Variants in MTMR7 observed in about 807,000 individuals in gnomAD.
MTMR7 encodes the protein phosphatidylinositol-3-phosphate phosphatase MTMR7.
Under a neutral mutation model 81.2 loss-of-function variants are expected in MTMR7, and 76 were observed. The observed-to-expected ratio is 0.94, with a 90% CI of 0.78 to 1.13. MTMR7 has a LOEUF of 1.13. Among genes scored for constraint, MTMR7 ranks in the 50% most tolerant of loss-of-function variants. The probability of loss-of-function intolerance (pLI) is 0.00; values close to 1 mark genes in which losing one functional copy is unlikely to be tolerated. For synonymous variants in MTMR7, 372 were observed against 289.8 expected (o/e 1.28, Z -2.88); for missense variants, 1,044 against 820.0 (o/e 1.27, Z -3.34).
At chr8:17,355,774 C>G (rs2150553104) in intron 4 of MTMR7, among the ~76,000 whole-genome samples, 1 of 151,940 alleles carries the variant, frequency 6.6e-6, no homozygotes, top group South Asian at 2.1e-4. Flanking sequence ...GAAAAAAGAG[C>G]AAAAATGTGA....
chr8:17,397,842 A>G (rs1349989525), intron 1 of MTMR7, among the ~76,000 whole-genome samples: 1 of 152,110 alleles, frequency 6.6e-6, no homozygotes, highest in African/African-American at 2.4e-5. Context: ...TACTTGTGTC[A>G]CCCCACTCCC....
Position 17,361,147 on chromosome 8 carries a change from C to A in MTMR7, c.438G>T (p.Trp146Cys). 1.2e-6 allele frequency: 2 copies of A among 1,614,160 alleles called. No homozygotes were observed. The highest frequency in any genetic ancestry group is 1.7e-6 in the Non-Finnish European group (2 of 1,180,012). ...YTRMGLPNHY[W>C]QLSDVNRDYR... ...AGTCTCTATTCACATCGCTGAGCTG[C>A]CAGTAATGATTAGGGAGGCCCATCC... Residue 146 changes from tryptophan to cysteine, a missense_variant, in exon 4 of 14, where the codon TGG becomes TGT. Physicochemically the swap from Trp to Cys is radical, Grantham distance 215. Transcript: ENST00000180173.
intron 5 of MTMR7, among the ~76,000 whole-genome samples, chr8:17,348,035 GC>G (rs1021853578): frequency 2.0e-5 from 3 of 152,142 alleles, no homozygotes; most frequent in African/African-American, 7.2e-5. Flanking sequence ...GTGGGGTGGG[GC>G]CAGGCTACCA....
At chr8:17,373,318 C>T in intron 1 of MTMR7, 78 bp from the exon 2 acceptor site, 3 of 1,471,942 alleles carry the variant, frequency 2.0e-6, no homozygotes, top group Non-Finnish European at 2.7e-6. Context: ...ACAGGGTAAA[C>T]TCACACTTAC....
chr8:17,373,820 C>G (rs562851963), intron 1 of MTMR7, among the ~76,000 whole-genome samples: 1 of 152,294 alleles, frequency 6.6e-6, no homozygotes, highest in Non-Finnish European at 1.5e-5. Context: ...ATGGCATTAT[C>G]ACCACTCAGC....
At chr8:17,321,281 A>AAT (rs1287986958) in intron 7 of MTMR7, among the ~76,000 whole-genome samples, 1 of 152,240 alleles carries the variant, frequency 6.6e-6, no homozygotes, top group East Asian at 1.9e-4. Flanking sequence ...ACCAGGCCCT[A>AAT]GAATGTCCTG....
At chr8:17,324,180 T>C (rs557115691) in intron 7 of MTMR7, among the ~76,000 whole-genome samples, 4 of 152,290 alleles carry the variant, frequency 2.6e-5, no homozygotes, top group African/African-American at 9.6e-5. Context: ...TCAAAATTGG[T>C]TACTTCTTTC....
At chr8:17,369,633 CTTTTTTTCTTTTTTT>C (rs1479030194) in intron 3 of MTMR7, among the ~76,000 whole-genome samples, 3 of 129,966 alleles carry the variant, frequency 2.3e-5, no homozygotes, top group Non-Finnish European at 5.1e-5. Context: ...GAGTATATTT[CTTTTTTTCTTTTTTT>C]TTTTTTTTTT....
intron 1 of MTMR7, among the ~76,000 whole-genome samples, chr8:17,405,054 G>T (rs1036676105): frequency 6.6e-6 from 1 of 152,228 alleles, no homozygotes; most frequent in African/African-American, 2.4e-5. Context: ...ATTTCACCAT[G>T]TTGGCCAGGC....
chr8:17,384,528 G>A (rs570695570), intron 1 of MTMR7, among the ~76,000 whole-genome samples: 4 of 152,266 alleles, frequency 2.6e-5, no homozygotes, highest in African/African-American at 7.2e-5. Context: ...GAAACTCACA[G>A]AAACAATAGA....
chr8:17,378,897 C>T (rs1026010315), intron 1 of MTMR7, among the ~76,000 whole-genome samples: 1 of 151,698 alleles, frequency 6.6e-6, no homozygotes, highest in African/African-American at 2.4e-5. Context: ...GTCTTTAGCA[C>T]ATAAAAGATA....
At chr8:17,344,168 G>C (rs1341862919) in intron 5 of MTMR7, among the ~76,000 whole-genome samples, 1 of 152,132 alleles carries the variant, frequency 6.6e-6, no homozygotes, top group East Asian at 1.9e-4. Context: ...AGCACAGAGA[G>C]GTTAAGTAAC....
chr8:17,359,819 T>C (rs1007178093), intron 4 of MTMR7, among the ~76,000 whole-genome samples: 1 of 152,066 alleles, frequency 6.6e-6, no homozygotes, highest in Admixed American at 6.5e-5. Context: ...TCTTTACTGG[T>C]GAGGGTATAA....
At chr8:17,396,375 C>A (rs1222463149) in intron 1 of MTMR7, among the ~76,000 whole-genome samples, 4 of 152,176 alleles carry the variant, frequency 2.6e-5, no homozygotes, top group African/African-American at 9.6e-5. Flanking sequence ...CCCCCATCCC[C>A]TGGTAGTGAC....
chr8:17,334,186 G>A (rs1251186645), intron 6 of MTMR7, among the ~76,000 whole-genome samples: 1 of 152,048 alleles, frequency 6.6e-6, no homozygotes, highest in African/African-American at 2.4e-5. Flanking sequence ...TAATTTCTTA[G>A]GATCTCCACC....
At chr8:17,316,275 G>T (rs1818064088) in intron 7 of MTMR7, among the ~76,000 whole-genome samples, 2 of 151,150 alleles carry the variant, frequency 1.3e-5, no homozygotes, top group African/African-American at 4.9e-5. Context: ...TATTTTATAG[G>T]TACTAAAATT....
intron 1 of MTMR7, among the ~76,000 whole-genome samples, chr8:17,397,681 G>C (rs1221336655): frequency 6.6e-6 from 1 of 152,144 alleles, no homozygotes; most frequent in Non-Finnish European, 1.5e-5. Flanking sequence ...TGCCTAACTG[G>C]CTTCTCCACC....
intron 1 of MTMR7, among the ~76,000 whole-genome samples, chr8:17,408,908 C>A (rs777167882): frequency 5.8e-4 from 88 of 152,040 alleles, no homozygotes; most frequent in Non-Finnish European, 1.0e-3. Flanking sequence ...GATGTCTGCA[C>A]AATATGTAAA....
intron 2 of MTMR7, among the ~76,000 whole-genome samples, chr8:17,372,500 A>G (rs1448326050): frequency 6.6e-6 from 1 of 152,134 alleles, no homozygotes; most frequent in Non-Finnish European, 1.5e-5. Context: ...AGGCAGGAGA[A>G]TCACTTGAAC....
Sources: gnomAD v4.1 joint callset for allele counts (sites outside exome capture counted in the v4.1 genomes callset) on GRCh38, gnomAD v4.1.1 for gene constraint, MANE v1.5 for transcripts, NCBI Gene and HGNC (gene_info 2026-07-23, HGNC 2026-07-21) for gene names.